Variants in WDFY4 observed in about 807,000 individuals in gnomAD.
WDFY4 encodes the protein WD repeat- and FYVE domain-containing protein 4.
A neutral mutation model predicts 351.9 loss-of-function variants in WDFY4; 169 were observed. The ratio of observed to expected loss-of-function variants is 0.48; its 90% CI spans 0.42 to 0.55. The LOEUF (loss-of-function observed/expected upper bound fraction) is 0.55. WDFY4 is among the 20% of genes least tolerant of loss of function. WDFY4 has a pLI of 0.00. For synonymous variants in WDFY4, 1,622 were observed against 1,574.6 expected (o/e 1.03, Z -0.71); for missense variants, 3,803 against 3,935.6 (o/e 0.97, Z 0.90).
intron 1 of WDFY4, among the ~76,000 whole-genome samples, chr10:48,701,304 C>T (rs1483551409): frequency 6.6e-6 from 1 of 152,198 alleles, no homozygotes; most frequent in East Asian, 1.9e-4. Flanking sequence ...ATTGATTACA[C>T]ATTCATCTAT....
chr10:48,812,059 G>T (rs1032291131), intron 30 of WDFY4, among the ~76,000 whole-genome samples: 1 of 152,094 alleles, frequency 6.6e-6, no homozygotes, highest in African/African-American at 2.4e-5. Flanking sequence ...CACCCACTTA[G>T]GTCATCATCT....
rs147156771 is a variant in WDFY4 at position 48,953,468 on chromosome 10, C to A, written c.7978-3661C>A. Among the ~76,000 whole-genome samples the A allele has an allele frequency of 4.4e-3, 674 of 152,320 alleles. 3 individuals carry two copies. The highest frequency in any genetic ancestry group is 0.016 in the African/African-American group (646 of 41,562). ...GTTCATCCTGCAAGTTAAGTGGGCA[C>A]TGAACTTCCTGCCCAAGCCAGTCTG... On this transcript the variant is annotated intron_variant, in intron 51 of 61. Transcript: ENST00000325239.
chr10:48,956,257 G>A (rs1286356632), intron 51 of WDFY4, among the ~76,000 whole-genome samples: 2 of 152,210 alleles, frequency 1.3e-5, no homozygotes, highest in Non-Finnish European at 2.9e-5. Flanking sequence ...GCCACCTGTG[G>A]CCATGGGCCT....
At chr10:48,817,493 C>G in intron 32 of WDFY4, 84 bp downstream of exon 32, 8 of 1,405,330 alleles carry the variant, frequency 5.7e-6, no homozygotes, top group Non-Finnish European at 7.5e-6. Context: ...TCCCTCCCCT[C>G]CCCCCTAAAA....
rs2066005546 is a variant in WDFY4, at chr10:48,775,601, G to C, written c.2769-111G>C. The C allele has an allele frequency of 4.0e-6, 4 of 993,520 alleles. No homozygotes were observed. The Admixed American group carries it at 8.3e-5, about 21-fold the overall frequency. 61.5% of individuals were successfully genotyped at this position (993,520 alleles called of 1,614,324 possible). A position where few individuals can be genotyped will look rare whatever the true frequency, so the allele number is the denominator to read the frequency against. On this transcript the variant is annotated intron_variant, in intron 14 of 61. Coordinates refer to ENST00000325239, the MANE Select transcript of WDFY4 (RefSeq NM_001394531.1). Reference sequence around the variant, plus strand: ...GCTTTCAGAAAGGGTGTTCCAGTGGGGCTGGGAGGTCAGGGAGCTCCAGGC... The same window carrying C: ...GCTTTCAGAAAGGGTGTTCCAGTGGCGCTGGGAGGTCAGGGAGCTCCAGGC...
At chr10:48,841,845 CCCAAGATAGAAG>C in intron 39 of WDFY4, among the ~76,000 whole-genome samples, 1 of 152,318 alleles carries the variant, frequency 6.6e-6, no homozygotes, top group East Asian at 1.9e-4. Context: ...GAACAGGCTA[CCCAAGATAGAAG>C]CCAGCATGTT....
chr10:48,744,535 T>C (rs1320665759), intron 12 of WDFY4, among the ~76,000 whole-genome samples: 1 of 152,252 alleles, frequency 6.6e-6, no homozygotes, highest in Admixed American at 6.5e-5. Flanking sequence ...TGCACTGATA[T>C]TCAGGAGGTT....
At chr10:48,731,649 C>T in intron 9 of WDFY4, 87 bp downstream of exon 9, 1 of 1,406,918 alleles carries the variant, frequency 7.1e-7, no homozygotes. Context: ...CCATCAAATG[C>T]AACAGAAAGT....
At chr10:48,823,479 A>T in intron 35 of WDFY4, 1 of 1,183,640 alleles carries the variant, frequency 8.4e-7, no homozygotes, top group Non-Finnish European at 1.1e-6. Context: ...AGTCACCCAC[A>T]GACCTCAGGA....
chr10:48,960,284 T>G (rs1258402716), intron 53 of WDFY4, among the ~76,000 whole-genome samples: 1 of 152,216 alleles, frequency 6.6e-6, no homozygotes, highest in African/African-American at 2.4e-5. Context: ...GAATCAAATT[T>G]CTGGGTTAGT....
At chr10:48,713,008 A>G (rs2063806719) in intron 2 of WDFY4, among the ~76,000 whole-genome samples, 4 of 152,226 alleles carry the variant, frequency 2.6e-5, no homozygotes, top group Admixed American at 2.6e-4. Flanking sequence ...ATTTTGGCCC[A>G]AAGAAAATTA....
At chr10:48,966,814 C>G in intron 55 of WDFY4, 141 bp downstream of exon 55, 1 of 1,196,046 alleles carries the variant, frequency 8.4e-7, no homozygotes, top group South Asian at 1.6e-5. Flanking sequence ...CCAGTCACAG[C>G]CAGATTCTAG....
intron 11 of WDFY4, among the ~76,000 whole-genome samples, chr10:48,738,956 C>A (rs1390457997): frequency 2.6e-5 from 4 of 152,198 alleles, no homozygotes; most frequent in African/African-American, 7.2e-5. Context: ...GTGGCACTTC[C>A]ATACCAACAC....
intron 58 of WDFY4, among the ~76,000 whole-genome samples, chr10:48,975,511 G>A (rs895461956): frequency 6.6e-6 from 1 of 152,188 alleles, no homozygotes; most frequent in Non-Finnish European, 1.5e-5. Flanking sequence ...GGGATATGGG[G>A]TTCCCTGAGG....
At chr10:48,804,649 C>CTTCCACT in intron 25 of WDFY4, 1 of 929,326 alleles carries the variant, frequency 1.1e-6, no homozygotes, top group Non-Finnish European at 1.3e-6. Flanking sequence ...CATTTTTTCT[C>CTTCCACT]TTCCACTTTC....
chr10:48,866,986 T>A (rs2069567416), intron 39 of WDFY4, among the ~76,000 whole-genome samples: 1 of 151,604 alleles, frequency 6.6e-6, no homozygotes, highest in African/African-American at 2.4e-5. Context: ...GCCTGGCCAA[T>A]GTGGTGAAAC....
chr10:48,898,123 C>T (rs1837181122), intron 45 of WDFY4, among the ~76,000 whole-genome samples: 1 of 152,174 alleles, frequency 6.6e-6, no homozygotes, highest in Admixed American at 6.5e-5. Flanking sequence ...TCACCCATGC[C>T]TTCAAGGGCT....
At chr10:48,753,829 T>C (rs183473551) in intron 12 of WDFY4, among the ~76,000 whole-genome samples, 1 of 152,348 alleles carries the variant, frequency 6.6e-6, no homozygotes, top group Admixed American at 6.5e-5. Flanking sequence ...TTTGGCTTCT[T>C]AGGGTTTCCT....
chr10:48,787,913 TTCTTCTTCTTCTTC>T (rs1565198813), intron 20 of WDFY4, among the ~76,000 whole-genome samples: 21 of 50,654 alleles, frequency 4.1e-4, no homozygotes, highest in East Asian at 1.7e-3. Flanking sequence ...CTTCTTCTTC[TTCTTCTTCTTCTTC>T]TTCTTCTTCT....
Sources: gnomAD v4.1 joint callset for allele counts (sites outside exome capture counted in the v4.1 genomes callset) on GRCh38, gnomAD v4.1.1 for gene constraint, MANE v1.5 for transcripts, NCBI Gene and HGNC (gene_info 2026-07-23, HGNC 2026-07-21) for gene names.